Variants in CLEC1A observed in about 807,000 individuals in gnomAD.
CLEC1A encodes the protein C-type lectin-like receptor-1.
Under a neutral mutation model 28.7 loss-of-function variants are expected in CLEC1A, and 34 were observed. The observed-to-expected ratio is 1.18, with a 90% CI of 0.90 to 1.57. The LOEUF is 1.57. Ranked by LOEUF, CLEC1A falls within the 40% of genes most tolerant of loss-of-function variation. The pLI is 0.00. For missense variants in CLEC1A, 385 were observed against 339.5 expected, an observed-to-expected ratio of 1.13 and a Z score of -1.05; for synonymous variants, 116 against 121.0, an observed-to-expected ratio of 0.96 and a Z score of 0.27.
At chr12:10,088,699 G>A (rs547516501) in intron 2 of CLEC1A, among the ~76,000 whole-genome samples, 5 of 151,890 alleles carry the variant, frequency 3.3e-5, no homozygotes, top group Non-Finnish European at 7.4e-5. Context: ...TGATTAAGGA[G>A]TTTACCTACT....
rs1866363349 is a variant in CLEC1A, at chr12:10,081,274, A to G, written c.354T>C (p.Ala118=). Residue 118 remains alanine, a synonymous_variant, in exon 3 of 6, where the codon GCT becomes GCC. Transcript: ENST00000315330. ...IKLAGSLQHV[A]EKLCRELYNK... ...TATACAGCTCACGACAGAGTTTTTC[A>G]GCCACATGCTGCAGACTTCCTGCAA... The G allele has an allele frequency of 1.2e-6, 2 of 1,610,712 alleles. No individual in the cohort carries two copies. Among genetic ancestry groups the G allele is most frequent in the South Asian group, 2.2e-5 (2 of 90,508 alleles).
chr12:10,094,923 A>G (rs1947756475), intron 1 of CLEC1A, among the ~76,000 whole-genome samples: 1 of 152,092 alleles, frequency 6.6e-6, no homozygotes, highest in Admixed American at 6.6e-5. Context: ...GGTCCAGATC[A>G]TGTCACTTCC....
In CLEC1A at chr12:10,071,351, T is replaced by C. The variant is rs371555733; in HGVS notation, c.825A>G (p.Thr275=). 1 of 1,613,584 alleles carries C rather than the reference T, an allele frequency of 6.2e-7. No individual in the cohort carries two copies. Among genetic ancestry groups the C allele is most frequent in the Non-Finnish European group, 8.5e-7 (1 of 1,179,748 alleles). ...GGGCGAATCAGTCACCTTCGCCTAA[T>C]GTTTCAGGGGGGACATGGAGGCTCT... The part of the protein sequence containing the change: ...KPESLHVPPE[T]LGEGD The change falls in exon 6 of 6, where the codon ACA becomes ACG. Residue 275 remains threonine, a synonymous_variant. Transcript: ENST00000315330.
At chr12:10,079,243 G>A (rs1298033798) in intron 3 of CLEC1A, among the ~76,000 whole-genome samples, 3 of 152,114 alleles carry the variant, frequency 2.0e-5, no homozygotes, top group East Asian at 1.9e-4. Flanking sequence ...GTAGCAGTAC[G>A]AACTAAATGC....
At chr12:10,078,118 T>C (rs1866293106) in intron 3 of CLEC1A, among the ~76,000 whole-genome samples, 1 of 152,204 alleles carries the variant, frequency 6.6e-6, no homozygotes, top group East Asian at 1.9e-4. Context: ...ATCTCTTATC[T>C]GATTTCTCTG....
Position 10,089,189 on chromosome 12 carries a change from A to G in CLEC1A, c.149T>C (p.Val50Ala). Residue 50 changes from valine to alanine, a missense_variant, in exon 2 of 6, where the codon GTG becomes GCG. Val to Ala is a moderately conservative substitution (Grantham distance 64, BLOSUM62 0). Transcript: ENST00000315330. ...GCACAAAGTCAGCAGGGTCAGGGCCACTGGTCGCCACGTTGAAGAGGGAGC... is the reference window on the plus strand; with the variant it reads ...GCACAAAGTCAGCAGGGTCAGGGCCGCTGGTCGCCACGTTGAAGAGGGAGC... The part of the protein sequence containing the change: ...HRAPSSTWRP[V>A]ALTLLTLCLV... 6.2e-7 allele frequency: 1 copy of G among 1,614,062 alleles called. No individual in the cohort carries two copies. The highest frequency in any genetic ancestry group is 8.5e-7 in the Non-Finnish European group (1 of 1,179,952).
At chr12:10,078,192 T>C (rs987657207) in intron 3 of CLEC1A, among the ~76,000 whole-genome samples, 1 of 152,176 alleles carries the variant, frequency 6.6e-6, no homozygotes, top group Non-Finnish European at 1.5e-5. Flanking sequence ...TAAAAACTTA[T>C]GCCAGATCAT....
At chr12:10,096,928 TC>T (rs1650145314) in intron 1 of CLEC1A, among the ~76,000 whole-genome samples, 1 of 152,118 alleles carries the variant, frequency 6.6e-6, no homozygotes, top group South Asian at 2.1e-4. Context: ...TTGGTTAAGC[TC>T]TCGGCTGTAC....
At chr12:10,080,180 G>T (rs1006899524) in intron 3 of CLEC1A, among the ~76,000 whole-genome samples, 5 of 152,064 alleles carry the variant, frequency 3.3e-5, no homozygotes, top group Admixed American at 3.3e-4. Flanking sequence ...GGGTGCAGTG[G>T]TGCACACCTG....
At chr12:10,087,472 T>TATATA (rs1866520039) in intron 2 of CLEC1A, among the ~76,000 whole-genome samples, 1 of 75,204 alleles carries the variant, frequency 1.3e-5, no homozygotes, top group African/African-American at 6.5e-5. Flanking sequence ...TACCTCAAAG[T>TATATA]TATATATATA....
At chr12:10,073,487 C>G in intron 4 of CLEC1A, 76 bp from the exon 5 acceptor site, 1 of 1,022,498 alleles carries the variant, frequency 9.8e-7, no homozygotes, top group Non-Finnish European at 1.5e-6. Context: ...ATGGGCCAGC[C>G]AGCACTTTTC....
chr12:10,093,728 C>T (rs571329047), intron 1 of CLEC1A, among the ~76,000 whole-genome samples: 45 of 152,052 alleles, frequency 3.0e-4, no homozygotes, highest in Admixed American at 4.6e-4. Flanking sequence ...CACACTTTTC[C>T]ATGAGCCAGT....
At chr12:10,078,269 C>G (rs74061487) in intron 3 of CLEC1A, among the ~76,000 whole-genome samples, 2,033 of 152,290 alleles carry the variant, frequency 0.013, 34 homozygotes, top group African/African-American at 0.046. Flanking sequence ...AAATCTCTCA[C>G]AAAGGCACCT....
chr12:10,069,710 C>T lies in CLEC1A; in HGVS notation c.*1623G>A, dbSNP rs1381613565. 2 of 152,142 alleles carry T rather than the reference C, an allele frequency of 1.3e-5. No individual in the cohort carries two copies. The highest frequency in any genetic ancestry group is 6.5e-5 in the Admixed American group (1 of 15,272). 9.4% of individuals were successfully genotyped at this position (152,142 alleles called of 1,614,324 possible). A position where few individuals can be genotyped will look rare whatever the true frequency, so the allele number is the denominator to read the frequency against. ...GTCTAAAATCTTCATTTTCTAACCA[C>T]AAATACAGTTTTCTTTGCATGACAC... On this transcript the variant is annotated 3_prime_UTR_variant, in exon 6 of 6. Coordinates refer to ENST00000315330, the MANE Select transcript of CLEC1A (RefSeq NM_016511.4).
rs748082893 is a variant in CLEC1A, at chr12:10,071,408, G to C, written c.768C>G (p.Val256=). The C allele has an allele frequency of 6.2e-7, 1 of 1,613,982 alleles. No homozygotes were observed. Among genetic ancestry groups the C allele is most frequent in the Non-Finnish European group, 8.5e-7 (1 of 1,179,920 alleles). Reference sequence around the variant, plus strand: ...TCACCATTCCTGCCCTTCTCTCACAGACACAACGCTTCAATTCTTTGCAGT... The same window carrying C: ...TCACCATTCCTGCCCTTCTCTCACACACACAACGCTTCAATTCTTTGCAGT... The part of the protein sequence containing the change: ...SKDCKELKRC[V]CERRAGMVKP... Residue 256 remains valine (V), a synonymous_variant, in exon 6 of 6, where the codon GTC becomes GTG. Coordinates refer to ENST00000315330, the MANE Select transcript of CLEC1A (RefSeq NM_016511.4).
At chr12:10,073,086 C>A (rs1193265875) in intron 5 of CLEC1A, among the ~76,000 whole-genome samples, 1 of 152,036 alleles carries the variant, frequency 6.6e-6, no homozygotes, top group Admixed American at 6.6e-5. Context: ...TCTCAAAAAA[C>A]AATCAAACGA....
At chr12:10,076,463 G>T (rs1173304517) in intron 3 of CLEC1A, among the ~76,000 whole-genome samples, 2 of 152,082 alleles carry the variant, frequency 1.3e-5, no homozygotes, top group African/African-American at 4.8e-5. Context: ...AATATTTCAT[G>T]AAGTAAAACA....
chr12:10,070,716 G>T lies in CLEC1A; in HGVS notation c.*617C>A, dbSNP rs142604977. ...TCCTATGGAGGGGAGACAATTATCAGAGTCTTAATGGACACAGGAAGGAAT... is the reference window on the plus strand; with the variant it reads ...TCCTATGGAGGGGAGACAATTATCATAGTCTTAATGGACACAGGAAGGAAT... On this transcript the variant is annotated 3_prime_UTR_variant, in exon 6 of 6. Transcript: ENST00000315330. 6.6e-6 allele frequency: 1 copy of T among 152,276 alleles called. No individual in the cohort carries two copies. The highest frequency in any genetic ancestry group is 2.4e-5 in the African/African-American group (1 of 41,564). The allele number at this position is 152,276 out of a possible 1,614,324, so 9.4% of individuals were successfully genotyped here.
chr12:10,075,108 A>G (rs962254564), intron 4 of CLEC1A, among the ~76,000 whole-genome samples: 1 of 152,206 alleles, frequency 6.6e-6, no homozygotes, highest in African/African-American at 2.4e-5. Flanking sequence ...TATGGTAAAA[A>G]CTTAGTTAAA....
Sources: gnomAD v4.1 joint callset for allele counts (sites outside exome capture counted in the v4.1 genomes callset) on GRCh38, gnomAD v4.1.1 for gene constraint, MANE v1.5 for transcripts, NCBI Gene and HGNC (gene_info 2026-07-23, HGNC 2026-07-21) for gene names.